Variants in BRCA1 observed in about 807,000 individuals in gnomAD.
BRCA1 encodes the protein BRCA1 DNA repair associated.
BRCA1 carries 140 observed loss-of-function variants against 173.7 expected under a neutral mutation model. The observed-to-expected ratio is 0.81, with a 90% CI of 0.70 to 0.93. BRCA1 has a LOEUF of 0.93. Ranked by LOEUF, BRCA1 falls within the 40% of genes least tolerant of loss-of-function variation. The pLI is 0.00. For synonymous variants in BRCA1, 662 were observed against 756.0 expected (o/e 0.88, Z 2.04); for missense variants, 1,983 against 2,172.5 (o/e 0.91, Z 1.73).
chr17:43,048,265 C>T (rs903515305), intron 21 of BRCA1, among the ~76,000 whole-genome samples: 4 of 152,028 alleles, frequency 2.6e-5, no homozygotes, highest in Non-Finnish European at 4.4e-5. Context: ...TGCAGTGGCG[C>T]GATCTTGGCT....
intron 16 of BRCA1, 178 bp downstream of exon 16, chr17:43,067,430 T>G (rs951541947): frequency 3.0e-5 from 15 of 506,892 alleles, no homozygotes; most frequent in Non-Finnish European, 4.7e-5. Context: ...AATTTTTTTA[T>G]TTTTTAGTAG....
At chr17:43,100,657 CATATATATATATATATATATA>C (rs2054396027) in intron 6 of BRCA1, among the ~76,000 whole-genome samples, 4 of 16,118 alleles carry the variant, frequency 2.5e-4, no homozygotes, top group South Asian at 2.2e-3. Flanking sequence ...ATATATATAA[CATATATATATATATATATATA>C]ATATATATAT....
At chr17:43,071,372 G>T in intron 14 of BRCA1, 134 bp from the exon 15 acceptor site, 1 of 994,328 alleles carries the variant, frequency 1.0e-6, no homozygotes, top group Non-Finnish European at 1.5e-6. Context: ...CAGTGTTGGT[G>T]GAAATCCAAA....
At chr17:43,137,373 C>T (rs2056034875) in intron 1 of BRCA1, among the ~76,000 whole-genome samples, 1 of 151,246 alleles carries the variant, frequency 6.6e-6, no homozygotes, top group Non-Finnish European at 1.5e-5. Context: ...ACGTGTATAC[C>T]TATGTAACAA....
At chr17:43,101,156 T>G (rs997964912) in intron 6 of BRCA1, among the ~76,000 whole-genome samples, 7 of 152,046 alleles carry the variant, frequency 4.6e-5, no homozygotes, top group Admixed American at 3.9e-4. Flanking sequence ...TAGCTCTATA[T>G]CTTTTGAAAA....
intron 1 of BRCA1, among the ~76,000 whole-genome samples, chr17:43,157,455 T>C (rs1199201116): frequency 6.6e-6 from 1 of 152,104 alleles, no homozygotes; most frequent in Non-Finnish European, 1.5e-5. Context: ...ATCCCAGCAC[T>C]TTAGGAGGCC....
intron 19 of BRCA1, among the ~76,000 whole-genome samples, chr17:43,052,726 C>T (rs570921049): frequency 2.9e-4 from 44 of 151,404 alleles, no homozygotes; most frequent in African/African-American, 8.3e-4. Context: ...TAAAAATACA[C>T]GGATGGCCTT....
At position 43,093,693 on chromosome 17, in the gene BRCA1, C is replaced by T. The variant is rs786203937; in HGVS notation, c.1838G>A (p.Arg613Lys). 2 of 1,614,070 alleles carry T rather than the reference C, an allele frequency of 1.2e-6. No individual in the cohort carries two copies. The highest frequency in any genetic ancestry group is 3.3e-5 in the Admixed American group (2 of 60,006). The change falls in exon 10 of 23, where the codon AGG becomes AAG. Residue 613 changes from arginine to lysine, a missense_variant. Arg to Lys is a conservative substitution (Grantham distance 26, BLOSUM62 2). Transcript: ENST00000357654. ...SKAPKKNRLRRKSSTRHIHAL... is the reference protein window; with the variant it reads ...SKAPKKNRLRKKSSTRHIHAL... The stretch of plus-strand genomic sequence containing the variant: ...ATGAATATGCCTGGTAGAAGACTTC[C>T]TCCTCAGCCTATTCTTTTTAGGTGC...
chr17:43,124,548 T>TCCTCAAGCACATCCCGG (rs1280568827), intron 1 of BRCA1, among the ~76,000 whole-genome samples: 7 of 152,124 alleles, frequency 4.6e-5, no homozygotes, highest in Non-Finnish European at 8.8e-5. Flanking sequence ...CTCTGGATCC[T>TCCTCAAGCACATCCCGG]CCTCAAGCAC....
intron 1 of BRCA1, among the ~76,000 whole-genome samples, chr17:43,158,889 T>G (rs969096836): frequency 1.3e-5 from 2 of 152,108 alleles, no homozygotes; most frequent in Non-Finnish European, 2.9e-5. Context: ...TTGAGGGTGT[T>G]GTAACTTTAA....
intron 1 of BRCA1, among the ~76,000 whole-genome samples, chr17:43,154,062 C>T (rs1162177869): frequency 1.3e-5 from 2 of 151,928 alleles, no homozygotes; most frequent in Non-Finnish European, 2.9e-5. Context: ...TGTCCCATGC[C>T]TGTGGTGCCA....
At chr17:43,063,612 TTAAA>T (rs2051890259) in intron 17 of BRCA1, among the ~76,000 whole-genome samples, 1 of 152,206 alleles carries the variant, frequency 6.6e-6, no homozygotes, top group Non-Finnish European at 1.5e-5. Flanking sequence ...CTGCCGACTA[TTAAA>T]TAAATCCCTA....
intron 18 of BRCA1, among the ~76,000 whole-genome samples, chr17:43,059,384 A>C (rs2051647548): frequency 1.3e-5 from 2 of 152,088 alleles, no homozygotes; most frequent in Admixed American, 1.3e-4. Flanking sequence ...AAATCACTTG[A>C]ACCGGGAGGC....
chr17:43,142,966 G>GTGTGTA (rs1567830682), intron 1 of BRCA1, among the ~76,000 whole-genome samples: 6 of 72,926 alleles, frequency 8.2e-5, no homozygotes, highest in African/African-American at 2.0e-4. Context: ...GTGTGTGTGT[G>GTGTGTA]TATATATATG....
At chr17:43,083,819 A>G (rs1439870919) in intron 11 of BRCA1, among the ~76,000 whole-genome samples, 1 of 152,198 alleles carries the variant, frequency 6.6e-6, no homozygotes, top group Non-Finnish European at 1.5e-5. Context: ...CAAAGAATTT[A>G]GGTATGTAAG....
At chr17:43,163,810 A>G (rs1166987745) in intron 1 of BRCA1, 3 of 152,248 alleles carry the variant, frequency 2.0e-5, no homozygotes, top group Admixed American at 6.5e-5. Context: ...AAGGAACGCT[A>G]AGTTTCCTCC....
intron 10 of BRCA1, 130 bp downstream of exon 10, chr17:43,091,305 T>C (rs1347945159): frequency 4.9e-6 from 6 of 1,222,548 alleles, no homozygotes; most frequent in Non-Finnish European, 4.7e-6. Flanking sequence ...AGGAGGAACA[T>C]GTTTCAAGTT....
At chr17:43,064,999 T>C (rs970656065) in intron 16 of BRCA1, among the ~76,000 whole-genome samples, 27 of 151,874 alleles carry the variant, frequency 1.8e-4, no homozygotes, top group Non-Finnish European at 3.1e-4. Context: ...CCCGGCTAAT[T>C]TTTTGTATTT....
chr17:43,082,162 C>T (rs911181775), intron 12 of BRCA1, among the ~76,000 whole-genome samples: 1 of 152,216 alleles, frequency 6.6e-6, no homozygotes, highest in Admixed American at 6.5e-5. Flanking sequence ...CATGTATCTT[C>T]CATGGGCTCC....
Sources: allele counts gnomAD v4.1 joint callset (sites outside exome capture counted in the v4.1 genomes callset), GRCh38; gene constraint gnomAD v4.1.1; transcripts MANE v1.5; gene names NCBI Gene and HGNC (gene_info 2026-07-23, HGNC 2026-07-21).